CALD1: variants seen among roughly 807,000 people sequenced by gnomAD.
CALD1 encodes the protein caldesmon.
In CALD1, 33 loss-of-function variants were observed where a neutral mutation model predicts 99.9. The observed-to-expected ratio is 0.33, with a 90% CI of 0.25 to 0.44. The LOEUF (loss-of-function observed/expected upper bound fraction) is 0.44, where lower values mean the gene tolerates loss of function less well. Ranked by LOEUF, CALD1 falls within the 20% of genes least tolerant of loss-of-function variation. The pLI is 1.00. For missense variants in CALD1, 861 were observed against 962.1 expected, an observed-to-expected ratio of 0.89 and a Z score of 1.39; for synonymous variants, 310 against 325.0, an observed-to-expected ratio of 0.95 and a Z score of 0.50.
At chr7:134,793,604 CA>C (rs1193945572) in intron 1 of CALD1, among the ~76,000 whole-genome samples, 2 of 152,098 alleles carry the variant, frequency 1.3e-5, no homozygotes, top group Admixed American at 6.5e-5. Context: ...TGTCTTAGGC[CA>C]GGGGTAGTCT....
intron 1 of CALD1, among the ~76,000 whole-genome samples, chr7:134,747,031 C>CTG (rs3035571): frequency 0.64 from 96,401 of 151,780 alleles, 31,065 homozygotes; most frequent in East Asian, 0.89. Flanking sequence ...TTTTAGAAGA[C>CTG]TTAGTCTATT....
At chr7:134,772,835 C>G (rs193126251) in intron 1 of CALD1, among the ~76,000 whole-genome samples, 32 of 105,598 alleles carry the variant, frequency 3.0e-4, no homozygotes, top group South Asian at 1.3e-3. Context: ...CCACTGCTGC[C>G]GTCTCTAATG....
rs2133312915 is a variant in CALD1, at chr7:134,968,869, AAAG to A, written c.*527_*529del. The A allele has an allele frequency of 5.2e-6, 1 of 193,636 alleles. No individual in the cohort carries two copies. The highest frequency in any genetic ancestry group is 9.6e-5 in the South Asian group (1 of 10,426). 12.0% of individuals were successfully genotyped at this position (193,636 alleles called of 1,614,324 possible). ...AATAATGGTTGTCTTTAAAAAAAAA[AAAG>A]AAATGTACTGTTAAGGTATTACTTT... On this transcript the variant is annotated 3_prime_UTR_variant, in exon 15 of 15. Transcript: ENST00000361675.
Position 134,783,604 on chromosome 7 carries a change from G to T in CALD1, c.-130+3855G>T, listed in dbSNP as rs1315954594. 2.0e-5 allele frequency among the ~76,000 whole-genome samples: 3 copies of T among 152,164 alleles called. No homozygotes were observed. The highest frequency in any genetic ancestry group is 2.9e-5 in the Non-Finnish European group (2 of 68,030). On this transcript the variant is annotated intron_variant, in intron 1 of 14. Transcript: ENST00000361675. This position sits in a 1 kb window ranked among gnomAD's most constrained non-coding sequence, Gnocchi z 4.3. ...TGGGCTGTGAGGGAGGGGTGATGAG[G>T]TTGTTCCCTGTGTTGTTCTTCCCTG...
intron 1 of CALD1, among the ~76,000 whole-genome samples, chr7:134,787,337 A>G (rs2131725895): frequency 6.6e-6 from 1 of 152,284 alleles, no homozygotes; most frequent in African/African-American, 2.4e-5. Context: ...TTTTCCAGCC[A>G]TCATTACTAA....
intron 2 of CALD1, among the ~76,000 whole-genome samples, chr7:134,865,965 G>T (rs1289272139): frequency 1.3e-5 from 2 of 152,106 alleles, no homozygotes; most frequent in Non-Finnish European, 2.9e-5. Context: ...TTTTTCCCAT[G>T]TCTGTTTGCT....
intron 1 of CALD1, among the ~76,000 whole-genome samples, chr7:134,815,783 A>G (rs551226482): frequency 1.4e-4 from 22 of 152,336 alleles, no homozygotes; most frequent in African/African-American, 5.3e-4. Context: ...TAGACAGAAT[A>G]CTTACCACCA....
chr7:134,822,579 A>G (rs892421853), intron 1 of CALD1, among the ~76,000 whole-genome samples: 1 of 152,260 alleles, frequency 6.6e-6, no homozygotes, highest in Non-Finnish European at 1.5e-5. Flanking sequence ...CTTGTCTAAC[A>G]TAATCCTGGA....
intron 1 of CALD1, among the ~76,000 whole-genome samples, chr7:134,824,688 G>A (rs548948459): frequency 1.2e-4 from 19 of 152,210 alleles, no homozygotes; most frequent in African/African-American, 4.6e-4. Flanking sequence ...AGATACTGTG[G>A]CATTTGATAC....
chr7:134,807,006 A>G (rs1311991414), intron 1 of CALD1, among the ~76,000 whole-genome samples: 1 of 152,196 alleles, frequency 6.6e-6, no homozygotes, highest in Non-Finnish European at 1.5e-5. Context: ...AGGAAAATTA[A>G]ATTATCTAGT....
chr7:134,881,990 C>T (rs1425303780), intron 3 of CALD1, among the ~76,000 whole-genome samples: 1 of 152,224 alleles, frequency 6.6e-6, no homozygotes, highest in Non-Finnish European at 1.5e-5. Context: ...GCACTTTTTA[C>T]ATATGTTAAT....
At chr7:134,779,869 C>T (rs1182736716) in intron 1 of CALD1, 120 bp downstream of exon 1, 4 of 393,882 alleles carry the variant, frequency 1.0e-5, no homozygotes, top group Non-Finnish European at 1.8e-5. Flanking sequence ...AGGCAATAAA[C>T]CATGCAAACT....
At chr7:134,897,723 T>A (rs1197875332) in intron 3 of CALD1, among the ~76,000 whole-genome samples, 1 of 152,076 alleles carries the variant, frequency 6.6e-6, no homozygotes, top group Non-Finnish European at 1.5e-5. Context: ...TAATTTTGTT[T>A]TTTCAAGGGA....
At chr7:134,967,510 A>G (rs1487293216) in intron 14 of CALD1, among the ~76,000 whole-genome samples, 1 of 152,164 alleles carries the variant, frequency 6.6e-6, no homozygotes. Flanking sequence ...GAATAGGACT[A>G]TAGGTCAGAT....
chr7:134,787,713 C>T (rs540279996), intron 1 of CALD1, among the ~76,000 whole-genome samples: 52 of 152,212 alleles, frequency 3.4e-4, no homozygotes, highest in Admixed American at 1.4e-3. Flanking sequence ...TTCCTTTATT[C>T]GGCAGTTAGG....
In CALD1 at chr7:134,772,729, T is replaced by C. The variant is rs150139512; in HGVS notation, c.-130+28366T>C. Among the ~76,000 whole-genome samples the C allele has an allele frequency of 3.6e-3, 548 of 152,358 alleles. 2 individuals are homozygous for C. The highest frequency in any genetic ancestry group is 0.013 in the African/African-American group (523 of 41,586). On this transcript the variant is annotated intron_variant, in intron 1 of 13. Coordinates refer to the CALD1 transcript ENST00000417172. ...ATTATAATGACCTCAATCTTACATT[T>C]GCTTATTTTCTGTGTACTTATTGCA...
intron 3 of CALD1, among the ~76,000 whole-genome samples, chr7:134,913,872 A>G (rs1383784502): frequency 2.6e-5 from 4 of 152,316 alleles, no homozygotes; most frequent in Admixed American, 6.5e-5. Flanking sequence ...TAGTTTGCCA[A>G]TCCCTGGCTC....
At chr7:134,728,190 C>T in the CALD1 span, among the ~76,000 whole-genome samples, 1 of 3,986 alleles carries the variant, frequency 2.5e-4, no homozygotes, top group Non-Finnish European at 4.2e-4. Context: ...CAACCTGCTT[C>T]CTGGATTAAG....
At chr7:134,821,692 C>T (rs1241268780) in intron 1 of CALD1, among the ~76,000 whole-genome samples, 3 of 149,770 alleles carry the variant, frequency 2.0e-5, no homozygotes, top group Admixed American at 6.7e-5. Context: ...AAGTGATTCT[C>T]CTGCCTCAGC....
Sources: gnomAD v4.1 joint callset for allele counts (sites outside exome capture counted in the v4.1 genomes callset) on GRCh38, gnomAD v4.1.1 for gene constraint, Gnocchi (gnomAD v3.1) non-coding constraint, MANE v1.5 for transcripts, NCBI Gene and HGNC (gene_info 2026-07-23, HGNC 2026-07-21) for gene names.